Variants in ZZEF1 observed in about 807,000 individuals in gnomAD.
ZZEF1 encodes zinc finger ZZ-type and EF-hand domain containing 1.
ZZEF1 carries 157 observed loss-of-function variants against 342.8 expected under a neutral mutation model. The observed-to-expected ratio is 0.46, with a 90% CI of 0.40 to 0.52. ZZEF1 has a LOEUF of 0.52. Ranked by LOEUF, ZZEF1 falls within the 20% of genes least tolerant of loss-of-function variation. The pLI is 0.00. For missense variants in ZZEF1, 3,480 were observed against 3,725.6 expected (o/e 0.93, Z 1.72); for synonymous variants, 1,505 against 1,429.1 (o/e 1.05, Z -1.20).
At chr17:4,141,316 A>G (rs2058842836) in intron 1 of ZZEF1, among the ~76,000 whole-genome samples, 2 of 152,232 alleles carry the variant, frequency 1.3e-5, no homozygotes, top group Admixed American at 1.3e-4. Context: ...ACATTCTTAA[A>G]ATATTTTAAA....
At chr17:4,108,308 A>G (rs4328477) in intron 6 of ZZEF1, among the ~76,000 whole-genome samples, 33,378 of 152,100 alleles carry the variant, frequency 0.22, 3,778 homozygotes, top group Middle Eastern at 0.3. Flanking sequence ...CTAGAGACAG[A>G]TAACAAAACC....
In ZZEF1 at chr17:4,021,159, G is replaced by A; in HGVS notation, c.7374C>T (p.Gly2458=). The change falls in exon 45 of 55, where the codon GGC becomes GGT. Residue 2458 remains glycine, a synonymous_variant. Transcript: ENST00000381638. ...PEQKKLDPLE[G]LDEPTRICFL... is the part of the protein sequence containing the mutation. ...AACATATTCTGGTGGGCTCATCCAG[G>A]CCCTCAAGGGGGTCCAGCTTTTTCT... 1 of 1,613,552 alleles carries A rather than the reference G, an allele frequency of 6.2e-7. No individual in the cohort carries two copies. Among genetic ancestry groups the A allele is most frequent in the East Asian group, 2.2e-5 (1 of 44,852 alleles).
chr17:4,009,785 G>T, intron 52 of ZZEF1, 28 bp from the exon 53 acceptor site: 1 of 1,608,936 alleles, frequency 6.2e-7, no homozygotes, highest in African/African-American at 1.3e-5. Flanking sequence ...GAGGTGGTCA[G>T]TTTACTGAGA....
intron 1 of ZZEF1, among the ~76,000 whole-genome samples, chr17:4,127,938 T>C (rs954041133): frequency 1.3e-5 from 2 of 152,160 alleles, no homozygotes; most frequent in African/African-American, 4.8e-5. Context: ...AGTCCACCAG[T>C]TGACAAGCCA....
chr17:4,081,168 G>A (rs534950184), intron 18 of ZZEF1, among the ~76,000 whole-genome samples: 1 of 152,186 alleles, frequency 6.6e-6, no homozygotes, highest in South Asian at 2.1e-4. Flanking sequence ...GCCTGGGATG[G>A]GGAAGCTGCA....
Position 4,081,454 on chromosome 17 carries a change from C to T in ZZEF1, c.2751G>A (p.Glu917=), listed in dbSNP as rs2057722768. 1 of 1,613,980 alleles carries T rather than the reference C, an allele frequency of 6.2e-7. No individual in the cohort carries two copies. Among genetic ancestry groups the T allele is most frequent in the Non-Finnish European group, 8.5e-7 (1 of 1,180,022 alleles). ...KDPGGLLLLP[E]KNDLAKMNIS... is the part of the protein sequence containing the mutation. ...TGTTCATCTTGGCCAGGTCGTTCTTCTCAGGTAAAAGAAGAAGGCCGCCTG... is the reference window on the plus strand; with the variant it reads ...TGTTCATCTTGGCCAGGTCGTTCTTTTCAGGTAAAAGAAGAAGGCCGCCTG... Residue 917 remains glutamate, a synonymous_variant, in exon 18 of 55, where the codon GAG becomes GAA. Coordinates refer to ENST00000381638, the MANE Select transcript of ZZEF1 (RefSeq NM_015113.4).
intron 43 of ZZEF1, among the ~76,000 whole-genome samples, chr17:4,023,287 G>A (rs932569604): frequency 1.3e-5 from 2 of 151,998 alleles, no homozygotes; most frequent in East Asian, 1.9e-4. Flanking sequence ...AGTTTTTCTC[G>A]CAGGCCCCCT....
Position 4,088,895 on chromosome 17 carries a change from T to A in ZZEF1, c.2026-2A>T. On this transcript the variant is annotated splice_acceptor_variant, in intron 12 of 54. Coordinates refer to ENST00000381638, the MANE Select transcript of ZZEF1 (RefSeq NM_015113.4). LOFTEE classifies it high-confidence loss of function. ...GCAGAGGAACTTCACCATCAAATAC[T>A]GGACAGGACAAGAGAGATTTCAATA... 6.2e-7 allele frequency: 1 copy of A among 1,613,828 alleles called. No individual in the cohort carries two copies. The highest frequency in any genetic ancestry group is 8.5e-7 in the Non-Finnish European group (1 of 1,179,948).
intron 54 of ZZEF1, among the ~76,000 whole-genome samples, chr17:4,007,869 G>A (rs1277108652): frequency 3.9e-5 from 6 of 152,184 alleles, no homozygotes; most frequent in Admixed American, 1.3e-4. Context: ...AGAGCGCCGC[G>A]CTCAGGCAGG....
At chr17:4,044,821 C>T (rs1454219947) in intron 37 of ZZEF1, among the ~76,000 whole-genome samples, 1 of 152,104 alleles carries the variant, frequency 6.6e-6, no homozygotes, top group African/African-American at 2.4e-5. Flanking sequence ...CTCGCCTATG[C>T]CACTCATTTC....
chr17:4,101,711 C>T (rs1466138483), intron 9 of ZZEF1, among the ~76,000 whole-genome samples: 5 of 152,178 alleles, frequency 3.3e-5, no homozygotes, highest in African/African-American at 1.2e-4. Flanking sequence ...ACTGCAACCT[C>T]AACCTCCCGG....
intron 27 of ZZEF1, 84 bp downstream of exon 27, chr17:4,067,079 A>T: frequency 8.7e-7 from 1 of 1,155,816 alleles, no homozygotes; most frequent in Non-Finnish European, 1.3e-6. Flanking sequence ...TATATTCTTG[A>T]GAAGAGAACA....
At chr17:4,087,380 A>G (rs2057851814) in intron 14 of ZZEF1, 54 bp downstream of exon 14, 2 of 1,445,788 alleles carry the variant, frequency 1.4e-6, no homozygotes, top group Non-Finnish European at 1.9e-6. Flanking sequence ...AGAATAGTAA[A>G]ACTCATTGTT....
At chr17:4,077,432 C>T (rs566610568) in intron 19 of ZZEF1, among the ~76,000 whole-genome samples, 3 of 152,132 alleles carry the variant, frequency 2.0e-5, no homozygotes, top group Non-Finnish European at 2.9e-5. Context: ...TGTCAGCACC[C>T]GTTGGGTTTC....
chr17:4,121,470 A>G (rs949948615), intron 2 of ZZEF1, among the ~76,000 whole-genome samples: 1 of 152,244 alleles, frequency 6.6e-6, no homozygotes, highest in Admixed American at 6.5e-5. Flanking sequence ...TACTAAAAAC[A>G]TAAAAATTAG....
rs58209085 is a variant in ZZEF1 at position 4,020,662 on chromosome 17, C to T, written c.7404+467G>A. Among the ~76,000 whole-genome samples, 308 of 152,304 alleles carry T rather than the reference C, an allele frequency of 2.0e-3. 11 individuals are homozygous for T. The East Asian group carries it at 0.049, about 24-fold the overall frequency. On this transcript the variant is annotated intron_variant, in intron 45 of 54. Coordinates refer to ENST00000381638, the MANE Select transcript of ZZEF1 (RefSeq NM_015113.4). ...GGGATTTGCTTTTTCTGACATTCTA[C>T]GCTACATTCTGTTTACTCTTCATTT...
rs1331488902 is a variant in ZZEF1, at chr17:4,006,940, C to T, written c.8836G>A (p.Ala2946Thr). Residue 2946 changes from alanine to threonine, a missense_variant, in exon 55 of 55, where the codon GCC becomes ACC. Physicochemically the swap from Ala to Thr is moderately conservative, Grantham distance 58. Transcript: ENST00000381638. The stretch of plus-strand genomic sequence containing the variant: ...GTGGCCTTGTTTGGGTAGTTGATGG[C>T]CAGGCTGATGGCAGCAATGTTCTGC... The part of the protein sequence containing the change: ...ALQNIAAISL[A>T]INYPNKATRL... 4.4e-6 allele frequency: 7 copies of T among 1,578,832 alleles called. No homozygotes were observed. Among genetic ancestry groups the T allele is most frequent in the South Asian group, 3.5e-5 (3 of 86,468 alleles).
In ZZEF1 at chr17:4,014,546, C is replaced by A; in HGVS notation, c.8146-31G>T. The A allele has an allele frequency of 1.2e-6, 2 of 1,611,186 alleles. No individual in the cohort carries two copies. The highest frequency in any genetic ancestry group is 1.1e-5 in the South Asian group (1 of 90,762). ...GAGGGGAAATGGAGAACACATCTGT[C>A]GATGCTGCTCACTAGACACTGACTG... On this transcript the variant is annotated intron_variant, in intron 49 of 54. Coordinates refer to ENST00000381638, the MANE Select transcript of ZZEF1 (RefSeq NM_015113.4). This position sits in a 1 kb window ranked among gnomAD's most constrained non-coding sequence, Gnocchi z 4.4.
At chr17:4,072,836 T>TA (rs1357287004) in intron 24 of ZZEF1, 80 bp from the exon 25 acceptor site, 84 of 1,403,978 alleles carry the variant, frequency 6.0e-5, no homozygotes, top group African/African-American at 1.0e-4. Flanking sequence ...AAGAAAAGGT[T>TA]AAAAAAAACC....
Sources: allele counts gnomAD v4.1 joint callset (sites outside exome capture counted in the v4.1 genomes callset), GRCh38; gene constraint gnomAD v4.1.1; non-coding constraint Gnocchi (gnomAD v3.1); transcripts MANE v1.5; gene names NCBI Gene and HGNC (gene_info 2026-07-23, HGNC 2026-07-21).